MX2: variants seen among roughly 807,000 people sequenced by gnomAD.
MX2 encodes interferon-induced GTP-binding protein Mx2.
In MX2, 51 loss-of-function variants were observed where a neutral mutation model predicts 74.0. That is an observed-to-expected ratio of 0.69 (90% CI 0.55 to 0.87). MX2 has a LOEUF of 0.87. Among genes scored for constraint, MX2 ranks in the 40% least tolerant of loss-of-function variants. The pLI is 0.00. For missense variants in MX2, 832 were observed against 908.7 expected, an observed-to-expected ratio of 0.92 and a Z score of 1.09; for synonymous variants, 369 against 339.3, an observed-to-expected ratio of 1.09 and a Z score of -0.96.
At chr21:41,378,347 C>CATTGGGAGACAGGCTG (rs1555875927) in intron 3 of MX2, among the ~76,000 whole-genome samples, 102 of 151,450 alleles carry the variant, frequency 6.7e-4, no homozygotes, top group African/African-American at 1.3e-3. Flanking sequence ...CTGGGAGGGC[C>CATTGGGAGACAGGCTG]CTAGGAGGGC....
chr21:41,368,738 T>A lies in MX2; in HGVS notation c.-72+6683T>A, dbSNP rs2089289840. On this transcript the variant is annotated intron_variant, in intron 1 of 13. Transcript: ENST00000330714. The surrounding 1 kb of genome is among the most constrained non-coding windows in gnomAD (Gnocchi z 4.6). ...TCACAAAAGGAACCCTCCTTTCCCT[T>A]GTTCTTTCTTCCCATGGAGAGGAAG... is the stretch of plus-strand genomic sequence containing the variant. Among the ~76,000 whole-genome samples the A allele has an allele frequency of 6.6e-6, 1 of 152,216 alleles. No individual in the cohort carries two copies. Among genetic ancestry groups the A allele is most frequent in the Non-Finnish European group, 1.5e-5 (1 of 68,028 alleles).
intron 3 of MX2, among the ~76,000 whole-genome samples, chr21:41,378,190 G>C (rs2089436208): frequency 6.8e-6 from 1 of 147,738 alleles, no homozygotes; most frequent in Non-Finnish European, 1.5e-5. Flanking sequence ...AGGCTGCTGG[G>C]AGAGACACGT....
At chr21:41,390,801 T>G in intron 6 of MX2, 98 bp downstream of exon 6, 1 of 1,356,176 alleles carries the variant, frequency 7.4e-7, no homozygotes, top group South Asian at 1.2e-5. Context: ...GTCAGGAGAT[T>G]GAGAACATCC....
At chr21:41,376,705 G>T (rs1371901057) in intron 1 of MX2, 131 bp from the exon 2 acceptor site, 7 of 655,352 alleles carry the variant, frequency 1.1e-5, no homozygotes, top group African/African-American at 1.8e-5. Flanking sequence ...GCCCTGCACT[G>T]GACCCCTGGT....
chr21:41,375,796 G>A (rs1344230067), intron 1 of MX2, among the ~76,000 whole-genome samples: 1 of 152,200 alleles, frequency 6.6e-6, no homozygotes, highest in Non-Finnish European at 1.5e-5. Context: ...TGGGGGGACT[G>A]TGGGGACACC....
chr21:41,373,751 A>G (rs1477257560), intron 1 of MX2: 3 of 151,192 alleles, frequency 2.0e-5, no homozygotes, highest in Admixed American at 1.3e-4. Context: ...AAAGACAGAA[A>G]GAGAGCTAGG....
rs1224814838 is a variant in MX2 at position 41,401,960 on chromosome 21, G to C, written c.1415-10G>C. On this transcript the variant is annotated splice_polypyrimidine_tract_variant and intron_variant, in intron 10 of 13. Coordinates refer to ENST00000330714, the MANE Select transcript of MX2 (RefSeq NM_002463.2). ...CAGAATTCACCATGGAGGTCTGTTT[G>C]ATGTTGCAGTTAAAAATATTATCCA... 1 of 1,611,288 alleles carries C rather than the reference G, an allele frequency of 6.2e-7. No homozygotes were observed. The highest frequency in any genetic ancestry group is 2.2e-5 in the East Asian group (1 of 44,872).
chr21:41,405,308 T>C (rs943209755), intron 12 of MX2, among the ~76,000 whole-genome samples: 3 of 151,550 alleles, frequency 2.0e-5, no homozygotes, highest in Non-Finnish European at 4.4e-5. Flanking sequence ...GACATGACAG[T>C]CTTAGTTCAA....
At chr21:41,405,079 C>T (rs145603408) in intron 12 of MX2, among the ~76,000 whole-genome samples, 25 of 151,810 alleles carry the variant, frequency 1.6e-4, no homozygotes, top group East Asian at 1.4e-3. Flanking sequence ...GAGGCCGAGG[C>T]GGGCAGATCC....
In MX2 at chr21:41,388,984, T is replaced by G. The variant is rs533931921; in HGVS notation, c.733-1581T>G. Among the ~76,000 whole-genome samples the G allele has an allele frequency of 2.0e-5, 3 of 152,266 alleles. No homozygotes were observed. The highest frequency in any genetic ancestry group is 1.3e-4 in the Admixed American group (2 of 15,298). ...GGCCACCATGGCAGAGTCATCCTTC[T>G]GAATTGTCAACAGTGCTGGAAGGAG... is the stretch of plus-strand genomic sequence containing the variant. On this transcript the variant is annotated intron_variant, in intron 5 of 13. Coordinates refer to ENST00000330714, the MANE Select transcript of MX2 (RefSeq NM_002463.2). The surrounding 1 kb of genome is among the most constrained non-coding windows in gnomAD (Gnocchi z 4.0).
At position 41,364,046 on chromosome 21, in the gene MX2, G is replaced by A. The variant is rs2089241231; in HGVS notation, c.-72+1991G>A. 3 of 154,512 alleles carry A rather than the reference G, an allele frequency of 1.9e-5. No individual in the cohort carries two copies. In the Middle Eastern group the frequency reaches 1.6e-3, roughly 80 times the overall value. 9.6% of individuals were successfully genotyped at this position (154,512 alleles called of 1,614,324 possible). The stretch of plus-strand genomic sequence containing the variant: ...GACAGGCTCTCTTGAGAATTTGGGG[G>A]GATGATAGACCCAAAAGCATTCTGG... On this transcript the variant is annotated intron_variant, in intron 1 of 13. Transcript: ENST00000330714.
intron 6 of MX2, among the ~76,000 whole-genome samples, chr21:41,392,596 G>A (rs2145930557): frequency 6.6e-6 from 1 of 152,216 alleles, no homozygotes; most frequent in East Asian, 1.9e-4. Flanking sequence ...GGTGGTGATG[G>A]TTACACAACA....
In MX2 at chr21:41,382,936, A is replaced by C. The variant is rs1176052174; in HGVS notation, c.732+372A>C. On this transcript the variant is annotated intron_variant, in intron 5 of 13. Coordinates refer to ENST00000330714, the MANE Select transcript of MX2 (RefSeq NM_002463.2). Reference sequence around the variant, plus strand: ...CAATATTTTAAAAAATGAATGTTACATAAGTCATAACATGGACTGTGGTCC... The same window carrying C: ...CAATATTTTAAAAAATGAATGTTACCTAAGTCATAACATGGACTGTGGTCC... Among the ~76,000 whole-genome samples the C allele has an allele frequency of 3.3e-5, 5 of 152,360 alleles. No homozygotes were observed. The East Asian group carries it at 7.7e-4, about 24-fold the overall frequency.
At chr21:41,407,303 C>T (rs1157314054) in intron 13 of MX2, among the ~76,000 whole-genome samples, 3 of 152,156 alleles carry the variant, frequency 2.0e-5, no homozygotes, top group African/African-American at 7.2e-5. Flanking sequence ...TACAAAATTA[C>T]TATGATCAGA....
chr21:41,382,303 C>T, intron 4 of MX2, 107 bp from the exon 5 acceptor site: 2 of 1,365,326 alleles, frequency 1.5e-6, no homozygotes, highest in Non-Finnish European at 9.8e-7. Flanking sequence ...CAGGGACCTA[C>T]TGAAGCTCTC....
At chr21:41,406,130 A>G (rs559033872) in intron 12 of MX2, among the ~76,000 whole-genome samples, 2 of 152,340 alleles carry the variant, frequency 1.3e-5, no homozygotes, top group South Asian at 4.1e-4. Context: ...CTGGGATTGC[A>G]GGCGTGTGCC....
At position 41,395,794 on chromosome 21, in the gene MX2, C is replaced by G. The variant is rs1359490585; in HGVS notation, c.1070+9C>G. 2 of 1,613,778 alleles carry G rather than the reference C, an allele frequency of 1.2e-6. No homozygotes were observed. The highest frequency in any genetic ancestry group is 3.3e-5 in the Admixed American group (2 of 60,014). ...ACACATCCATATTTCAGGTGAGACT[C>G]TTCAGGAAAGCTCTGGAATTAGACT... is the stretch of plus-strand genomic sequence containing the variant. On this transcript the variant is annotated intron_variant, in intron 7 of 13. Transcript: ENST00000330714.
intron 5 of MX2, among the ~76,000 whole-genome samples, chr21:41,382,798 C>A (rs2089515203): frequency 6.6e-6 from 1 of 152,192 alleles, no homozygotes; most frequent in Non-Finnish European, 1.5e-5. Context: ...ATAGTGTACG[C>A]CCTGCCCAGT....
intron 6 of MX2, among the ~76,000 whole-genome samples, chr21:41,392,995 A>T (rs2089680810): frequency 6.6e-6 from 1 of 151,682 alleles, no homozygotes; most frequent in Non-Finnish European, 1.5e-5. Flanking sequence ...AATCCCAGCT[A>T]CTTGGGAGGC....
Sources: gnomAD v4.1 joint callset for allele counts (sites outside exome capture counted in the v4.1 genomes callset) on GRCh38, gnomAD v4.1.1 for gene constraint, Gnocchi (gnomAD v3.1) non-coding constraint, MANE v1.5 for transcripts, NCBI Gene and HGNC (gene_info 2026-07-23, HGNC 2026-07-21) for gene names.